Variants in FAM13A observed in about 807,000 individuals in gnomAD.
The protein encoded by FAM13A is protein FAM13A.
Under a neutral mutation model 129.6 loss-of-function variants are expected in FAM13A, and 76 were observed. The ratio of observed to expected loss-of-function variants is 0.59; its 90% CI spans 0.49 to 0.71. FAM13A has a LOEUF of 0.71. Among genes scored for constraint, FAM13A ranks in the 30% least tolerant of loss-of-function variants. The pLI, the probability that FAM13A is intolerant of heterozygous loss-of-function variation, is 0.00. For synonymous variants in FAM13A, 443 were observed against 449.9 expected (o/e 0.98, Z 0.20); for missense variants, 1,108 against 1,249.3 (o/e 0.89, Z 1.70).
chr4:88,822,543 A>G (rs1732198644), intron 7 of FAM13A, among the ~76,000 whole-genome samples: 1 of 152,224 alleles, frequency 6.6e-6, no homozygotes, highest in African/African-American at 2.4e-5. Flanking sequence ...ATCCTTGCCT[A>G]GATCTGAACT....
intron 7 of FAM13A, among the ~76,000 whole-genome samples, chr4:88,819,741 T>C (rs1048270403): frequency 6.6e-6 from 1 of 152,342 alleles, no homozygotes; most frequent in South Asian, 2.1e-4. Context: ...CTTTTTCCGA[T>C]GCTAAGAATA....
chr4:88,968,566 G>T (rs1043254207), intron 4 of FAM13A, among the ~76,000 whole-genome samples: 5 of 151,984 alleles, frequency 3.3e-5, no homozygotes, highest in Non-Finnish European at 5.9e-5. Context: ...TGCCCTATAT[G>T]CCCCAGAGGA....
intron 4 of FAM13A, among the ~76,000 whole-genome samples, chr4:88,941,364 A>G (rs1754731960): frequency 6.6e-6 from 1 of 152,196 alleles, no homozygotes; most frequent in African/African-American, 2.4e-5. Context: ...CCCAGCTCCC[A>G]CCATACAAGG....
intron 2 of FAM13A, among the ~76,000 whole-genome samples, chr4:89,022,275 T>G (rs1767369223): frequency 6.6e-6 from 1 of 152,020 alleles, no homozygotes; most frequent in Non-Finnish European, 1.5e-5. Context: ...TCAACAAACA[T>G]GTAATAAGTG....
chr4:89,017,579 TTAA>T (rs1766666521), intron 3 of FAM13A, among the ~76,000 whole-genome samples: 1 of 152,152 alleles, frequency 6.6e-6, no homozygotes, highest in South Asian at 2.1e-4. Context: ...CTAAGAATAC[TTAA>T]TAATACAGAA....
At chr4:88,810,464 C>G (rs1385676065) in intron 7 of FAM13A, among the ~76,000 whole-genome samples, 2 of 151,968 alleles carry the variant, frequency 1.3e-5, no homozygotes, top group Non-Finnish European at 2.9e-5. Flanking sequence ...GAAATTTGGA[C>G]ACAGAGACAG....
intron 8 of FAM13A, among the ~76,000 whole-genome samples, chr4:88,804,075 T>C (rs1728070214): frequency 6.6e-6 from 1 of 151,416 alleles, no homozygotes; most frequent in African/African-American, 2.4e-5. Context: ...GCCAAGATGG[T>C]GAAACCCTGT....
rs763159585 is a variant in FAM13A, at chr4:88,945,964, C to CTGTGTGTGTGTG, written c.606-7735_606-7724dup. ...TAGTATATTTATACACACATAGTAT[C>CTGTGTGTGTGTG]TGTGTGTGTGTGTGTGTGTGTGTGT... On this transcript the variant is annotated intron_variant, in intron 4 of 23. Transcript: ENST00000264344. Among the ~76,000 whole-genome samples, 484 of 70,636 alleles carry CTGTGTGTGTGTG rather than the reference C, an allele frequency of 6.9e-3. 12 individuals carry two copies. The highest frequency in any genetic ancestry group is 0.017 in the Middle Eastern group (2 of 120). The allele number at this position is 70,636 out of a possible 152,430, so 46.3% of individuals were successfully genotyped here. A position where few individuals can be genotyped will look rare whatever the true frequency, so the allele number is the denominator to read the frequency against.
intron 17 of FAM13A, among the ~76,000 whole-genome samples, chr4:88,748,066 G>A (rs1025988648): frequency 7.9e-5 from 12 of 151,860 alleles, no homozygotes; most frequent in African/African-American, 2.9e-4. Flanking sequence ...ATTTTTTTTG[G>A]TATTTTTAGT....
At chr4:88,921,957 C>T (rs62310498) in intron 5 of FAM13A, among the ~76,000 whole-genome samples, 24,472 of 151,724 alleles carry the variant, frequency 0.16, 2,487 homozygotes, top group East Asian at 0.32. Context: ...ACAAAGAAGG[C>T]CATTACATAA....
chr4:88,807,485 A>C (rs542157685), intron 7 of FAM13A, among the ~76,000 whole-genome samples: 1 of 152,350 alleles, frequency 6.6e-6, no homozygotes, highest in African/African-American at 2.4e-5. Flanking sequence ...TAACTCATTC[A>C]GATGATGCAG....
intron 7 of FAM13A, among the ~76,000 whole-genome samples, chr4:88,831,243 T>C (rs973217641): frequency 6.6e-6 from 1 of 152,192 alleles, no homozygotes; most frequent in Non-Finnish European, 1.5e-5. Flanking sequence ...GTCCGGATAA[T>C]AGTGTTTCTG....
chr4:89,020,238 A>C (rs1386093699), intron 3 of FAM13A, among the ~76,000 whole-genome samples: 1 of 151,058 alleles, frequency 6.6e-6, no homozygotes, highest in Non-Finnish European at 1.5e-5. Flanking sequence ...TTAAATATTT[A>C]GTATGTTTAC....
intron 6 of FAM13A, among the ~76,000 whole-genome samples, chr4:88,905,532 C>A (rs527356129): frequency 2.6e-5 from 4 of 152,244 alleles, no homozygotes; most frequent in African/African-American, 9.6e-5. Flanking sequence ...CGATACTTAT[C>A]TTTTCTGTTT....
rs757247368 is a variant in FAM13A, at chr4:88,747,723, C to A, written c.2290G>T (p.Ala764Ser). 2.5e-6 allele frequency: 4 copies of A among 1,614,050 alleles called. No homozygotes were observed. The South Asian group carries it at 4.4e-5, about 18-fold the overall frequency. Residue 764 changes from alanine (A) to serine (S), a missense_variant, in exon 18 of 24, where the codon GCA becomes TCA. By Grantham distance (99) the Ala-to-Ser change is moderately conservative (BLOSUM62 1). Coordinates refer to ENST00000264344, the MANE Select transcript of FAM13A (RefSeq NM_014883.4). ...DEKKQELVDK[A>S]IKPSVEATLE... The stretch of plus-strand genomic sequence containing the variant: ...GTGGCTTCAACACTGGGCTTTATTG[C>A]TTTATCCACCAGCTCTTGCTTCTTC...
chr4:88,836,938 C>A (rs576359615), intron 7 of FAM13A, among the ~76,000 whole-genome samples: 1 of 150,740 alleles, frequency 6.6e-6, no homozygotes, highest in African/African-American at 2.4e-5. Context: ...CCAGCCTTGG[C>A]GACAGAGTGA....
chr4:88,960,601 A>C (rs927856611), intron 4 of FAM13A, among the ~76,000 whole-genome samples: 5 of 152,184 alleles, frequency 3.3e-5, no homozygotes, highest in Non-Finnish European at 7.3e-5. Context: ...ATGACTATGT[A>C]AGCACTCTCA....
At chr4:88,874,563 C>T (rs553429009) in intron 6 of FAM13A, among the ~76,000 whole-genome samples, 270 of 152,188 alleles carry the variant, frequency 1.8e-3, no homozygotes, top group African/African-American at 6.3e-3. Context: ...GAATAAAATA[C>T]CTAGGAATCC....
intron 1 of FAM13A, among the ~76,000 whole-genome samples, chr4:89,050,077 C>T (rs1771363877): frequency 6.6e-6 from 1 of 152,170 alleles, no homozygotes; most frequent in Non-Finnish European, 1.5e-5. Flanking sequence ...TCAGATATTA[C>T]CTAAAATCTA....
Sources: gnomAD v4.1 joint callset for allele counts (sites outside exome capture counted in the v4.1 genomes callset) on GRCh38, gnomAD v4.1.1 for gene constraint, MANE v1.5 for transcripts, NCBI Gene and HGNC (gene_info 2026-07-23, HGNC 2026-07-21) for gene names.